INSL6: variants seen among roughly 807,000 people sequenced by gnomAD.
The protein encoded by INSL6 is insulin-like peptide INSL6.
Under a neutral mutation model 9.4 loss-of-function variants are expected in INSL6, and 16 were observed. That is an observed-to-expected ratio of 1.70 (90% CI 1.15 to 2.59). The LOEUF (loss-of-function observed/expected upper bound fraction) is 2.59. Ranked by LOEUF, INSL6 falls within the 30% of genes most tolerant of loss-of-function variation. INSL6 has a pLI of 0.00. For missense variants in INSL6, 391 were observed against 257.3 expected (o/e 1.52, Z -3.56); for synonymous variants, 154 against 96.9 (o/e 1.59, Z -3.46).
intron 2 of INSL6, among the ~76,000 whole-genome samples, chr9:5,136,058 C>G (rs945917418): frequency 1.3e-5 from 2 of 152,154 alleles, no homozygotes; most frequent in African/African-American, 4.8e-5. Context: ...CATACACCCT[C>G]CCAAGACTAA....
At chr9:4,998,414 G>A in the INSL6 span, among the ~76,000 whole-genome samples, 1 of 151,966 alleles carries the variant, frequency 6.6e-6, no homozygotes, top group African/African-American at 2.4e-5. Flanking sequence ...GCACCACCAC[G>A]CCCAGCTAAT....
At chr9:5,092,981 A>G in the INSL6 span, among the ~76,000 whole-genome samples, 10 of 152,228 alleles carry the variant, frequency 6.6e-5, no homozygotes, top group African/African-American at 1.9e-4. Flanking sequence ...GCAGCCAACA[A>G]TTAAGAAAGT....
the INSL6 span, among the ~76,000 whole-genome samples, chr9:5,027,117 T>G: frequency 1.3e-5 from 2 of 152,204 alleles, no homozygotes; most frequent in Non-Finnish European, 2.9e-5. Context: ...AACCAACCTT[T>G]CTATAGAGGA....
the INSL6 span, among the ~76,000 whole-genome samples, chr9:5,013,663 A>G: frequency 6.6e-6 from 1 of 151,912 alleles, no homozygotes; most frequent in Non-Finnish European, 1.5e-5. Flanking sequence ...TCAAAATTCT[A>G]TTTTCCTTTT....
the INSL6 span, among the ~76,000 whole-genome samples, chr9:5,082,957 C>T: frequency 1.3e-5 from 2 of 152,214 alleles, no homozygotes; most frequent in Non-Finnish European, 2.9e-5. Context: ...TCCTTTTCTA[C>T]ATAGACACAG....
At chr9:5,067,127 TAG>T in the INSL6 span, among the ~76,000 whole-genome samples, 1 of 152,174 alleles carries the variant, frequency 6.6e-6, no homozygotes, top group Non-Finnish European at 1.5e-5. Flanking sequence ...CCACATCATG[TAG>T]AACAAAATAA....
At chr9:5,075,672 C>T in the INSL6 span, among the ~76,000 whole-genome samples, 2 of 152,190 alleles carry the variant, frequency 1.3e-5, no homozygotes, top group African/African-American at 4.8e-5. Flanking sequence ...CACCCAAGAG[C>T]TCTGATGGAG....
intron 2 of INSL6, among the ~76,000 whole-genome samples, chr9:5,149,936 A>G (rs1824678916): frequency 6.6e-6 from 1 of 152,234 alleles, no homozygotes. Context: ...ACCCTGAAAT[A>G]AAGCCACATA....
the INSL6 span, among the ~76,000 whole-genome samples, chr9:5,033,236 T>C: frequency 6.6e-6 from 1 of 152,220 alleles, no homozygotes; most frequent in Non-Finnish European, 1.5e-5. Context: ...TCAAGAAATA[T>C]GGGACTATGT....
intron 2 of INSL6, among the ~76,000 whole-genome samples, chr9:5,138,713 C>T (rs1824432595): frequency 8.0e-6 from 1 of 124,764 alleles, no homozygotes; most frequent in Non-Finnish European, 1.7e-5. Flanking sequence ...ACATGTACCC[C>T]AGAACTTAAA....
the INSL6 span, among the ~76,000 whole-genome samples, chr9:5,115,302 A>T: frequency 2.0e-5 from 3 of 152,332 alleles, no homozygotes; most frequent in Non-Finnish European, 4.4e-5. Flanking sequence ...CAACAAACAT[A>T]TGAAAAAAAG....
chr9:5,181,393 A>C (rs1237568083), intron 1 of INSL6, among the ~76,000 whole-genome samples: 2 of 152,166 alleles, frequency 1.3e-5, no homozygotes, highest in Non-Finnish European at 2.9e-5. Context: ...TATCCCACAA[A>C]TTAGTGAGAA....
chr9:5,060,041 C>A, the INSL6 span, among the ~76,000 whole-genome samples: 51 of 152,164 alleles, frequency 3.4e-4, no homozygotes, highest in Non-Finnish European at 5.4e-4. Flanking sequence ...AAGTGAGTCA[C>A]ATAAATTTTT....
the INSL6 span, among the ~76,000 whole-genome samples, chr9:5,105,162 G>C: frequency 6.6e-6 from 1 of 152,068 alleles, no homozygotes; most frequent in Non-Finnish European, 1.5e-5. Flanking sequence ...AGAAAACTTG[G>C]TCATCTCAGC....
the INSL6 span, among the ~76,000 whole-genome samples, chr9:5,078,021 G>C: frequency 2.0e-5 from 3 of 152,170 alleles, no homozygotes; most frequent in Non-Finnish European, 4.4e-5. Flanking sequence ...CTTAATGTCA[G>C]CTCCCATCCA....
At chr9:5,066,548 G>T in the INSL6 span, 2 of 589,586 alleles carry the variant, frequency 3.4e-6, no homozygotes, top group South Asian at 2.1e-5. Flanking sequence ...AAAGATTATT[G>T]CTAAACATAT....
At chr9:5,091,279 A>G in the INSL6 span, 1 of 160,104 alleles carries the variant, frequency 6.2e-6, no homozygotes, top group African/African-American at 2.4e-5. Context: ...CTTGGGTGGT[A>G]TAATGGTTAT....
rs746819086 is a variant in INSL6 at position 5,163,906 on chromosome 9, A to G, written c.*7T>C. The G allele has an allele frequency of 1.3e-6, 2 of 1,553,616 alleles. No individual in the cohort carries two copies. Among genetic ancestry groups the G allele is most frequent in the Non-Finnish European group, 1.8e-6 (2 of 1,137,124 alleles). ...CTTTTATTAGGTTAGAAAAAATTCT[A>G]AGATGGTTAGTATATCTTAGTTACA... On this transcript the variant is annotated 3_prime_UTR_variant, in exon 2 of 2. Coordinates refer to ENST00000381641, the MANE Select transcript of INSL6 (RefSeq NM_007179.3).
At chr9:5,086,061 T>G in the INSL6 span, 1 of 706,958 alleles carries the variant, frequency 1.4e-6, no homozygotes, top group Non-Finnish European at 2.6e-6. Flanking sequence ...AAGATTAAAA[T>G]AGGGTATCTG....
Sources: gnomAD v4.1 joint callset for allele counts (sites outside exome capture counted in the v4.1 genomes callset) on GRCh38, gnomAD v4.1.1 for gene constraint, MANE v1.5 for transcripts, NCBI Gene and HGNC (gene_info 2026-07-23, HGNC 2026-07-21) for gene names.